Variants in PTK7 observed in about 807,000 individuals in gnomAD.
PTK7 encodes protein tyrosine kinase 7 (inactive), also known as inactive tyrosine-protein kinase 7.
PTK7 carries 39 observed loss-of-function variants against 116.6 expected under a neutral mutation model. That is an observed-to-expected ratio of 0.33 (90% confidence interval 0.26 to 0.44). PTK7 has a LOEUF of 0.44. PTK7 is among the 20% of genes least tolerant of loss of function. The probability of loss-of-function intolerance (pLI) is 1.00; values close to 1 mark genes in which losing one functional copy is unlikely to be tolerated. For missense variants in PTK7, 1,169 were observed against 1,425.6 expected, an observed-to-expected ratio of 0.82 and a Z score of 2.90; for synonymous variants, 546 against 563.6, an observed-to-expected ratio of 0.97 and a Z score of 0.44.
At chr6:43,137,315 AGGT>A (rs1418166114) in intron 7 of PTK7, among the ~76,000 whole-genome samples, 1 of 152,120 alleles carries the variant, frequency 6.6e-6, no homozygotes, top group African/African-American at 2.4e-5. Flanking sequence ...TGGGGGTGAG[AGGT>A]GGTCAAATTC....
intron 1 of PTK7, among the ~76,000 whole-genome samples, chr6:43,122,975 G>T (rs1232902130): frequency 6.6e-6 from 1 of 152,056 alleles, no homozygotes; most frequent in Non-Finnish European, 1.5e-5. Context: ...TGATTGACTT[G>T]GGGTGTGGGA....
intron 1 of PTK7, among the ~76,000 whole-genome samples, chr6:43,094,123 T>C (rs1366545920): frequency 4.6e-5 from 7 of 152,234 alleles, no homozygotes; most frequent in Non-Finnish European, 1.0e-4. Flanking sequence ...CTCAGTATGA[T>C]TGGCTGCAGA....
In PTK7 at chr6:43,133,728, T is replaced by TACAA. The variant is rs561465581; in HGVS notation, c.1228+1044_1228+1047dup. ...ATATGCACACAGAGACACACATACA[T>TACAA]ACAAACTATTTTGCAATCTGCTTCT... On this transcript the variant is annotated intron_variant, in intron 7 of 19. Coordinates refer to ENST00000230419, the MANE Select transcript of PTK7 (RefSeq NM_002821.5). 385 of 152,346 alleles carry TACAA rather than the reference T, an allele frequency of 2.5e-3. 2 individuals are homozygous for TACAA. The highest frequency in any genetic ancestry group is 9.0e-3 in the African/African-American group (375 of 41,584). The allele number at this position is 152,346 out of a possible 1,614,324, so 9.4% of individuals were successfully genotyped here. A position where few individuals can be genotyped will look rare whatever the true frequency, so the allele number is the denominator to read the frequency against.
intron 1 of PTK7, 104 bp from the exon 2 acceptor site, chr6:43,128,873 C>G: frequency 7.9e-7 from 1 of 1,259,028 alleles, no homozygotes; most frequent in Non-Finnish European, 1.1e-6. Context: ...TACTGGACGC[C>G]TCCTGTGTAC....
At chr6:43,152,512 G>A (rs1469311380) in intron 17 of PTK7, among the ~76,000 whole-genome samples, 1 of 152,254 alleles carries the variant, frequency 6.6e-6, no homozygotes, top group Non-Finnish European at 1.5e-5. Context: ...GGGCGACAGA[G>A]TGAGACTCCG....
At chr6:43,083,724 G>C (rs1258505035) in intron 1 of PTK7, among the ~76,000 whole-genome samples, 1 of 152,182 alleles carries the variant, frequency 6.6e-6, no homozygotes. Flanking sequence ...ACTGGGGTAT[G>C]TGTTGAGTGA....
At chr6:43,146,726 G>A (rs772900349) in intron 17 of PTK7, 28 bp downstream of exon 17, 2 of 1,602,532 alleles carry the variant, frequency 1.2e-6, no homozygotes, top group Non-Finnish European at 1.7e-6. Flanking sequence ...AGGAGGGAGG[G>A]AGAGGGTGCC....
At chr6:43,092,521 G>T (rs994747425) in intron 1 of PTK7, among the ~76,000 whole-genome samples, 1 of 152,090 alleles carries the variant, frequency 6.6e-6, no homozygotes, top group Non-Finnish European at 1.5e-5. Flanking sequence ...AACATTTGGG[G>T]GTTGTTACTA....
Position 43,160,632 on chromosome 6 carries a change from G to T in PTK7, c.3053-89G>T, listed in dbSNP as rs1427146144. On this transcript the variant is annotated intron_variant, in intron 19 of 19. Coordinates refer to ENST00000230419, the MANE Select transcript of PTK7 (RefSeq NM_002821.5). ...CATTGCCCCAGAGGCATCCTTGGGTGGCTGCTTGTATAAACTGCAAGGTCC... is the reference window on the plus strand; with the variant it reads ...CATTGCCCCAGAGGCATCCTTGGGTTGCTGCTTGTATAAACTGCAAGGTCC... The T allele has an allele frequency of 2.0e-6, 3 of 1,518,082 alleles. No homozygotes were observed. The African/African-American group carries it at 4.1e-5, about 21-fold the overall frequency. 94.0% of individuals were successfully genotyped at this position (1,518,082 alleles called of 1,614,324 possible). A position where few individuals can be genotyped will look rare whatever the true frequency, so the allele number is the denominator to read the frequency against.
intron 1 of PTK7, among the ~76,000 whole-genome samples, chr6:43,118,192 G>T (rs1768673527): frequency 6.6e-6 from 1 of 151,180 alleles, no homozygotes; most frequent in South Asian, 2.1e-4. Context: ...CTGAGCACTG[G>T]AAGTGTGGCT....
intron 7 of PTK7, among the ~76,000 whole-genome samples, chr6:43,137,781 CTTCT>C (rs1770127200): frequency 6.6e-6 from 1 of 152,112 alleles, no homozygotes; most frequent in Non-Finnish European, 1.5e-5. Flanking sequence ...ACCATTACTT[CTTCT>C]TTTTTTATTA....
chr6:43,160,900 A>G lies in PTK7; in HGVS notation c.*19A>G, dbSNP rs763207197. The G allele has an allele frequency of 1.2e-5, 19 of 1,612,176 alleles. No homozygotes were observed. Among genetic ancestry groups the G allele is most frequent in the Admixed American group, 3.3e-5 (2 of 59,960 alleles). On this transcript the variant is annotated 3_prime_UTR_variant, in exon 20 of 20. Coordinates refer to ENST00000230419, the MANE Select transcript of PTK7 (RefSeq NM_002821.5). Reference sequence around the variant, plus strand: ...GCCGTGAGGAGGGAGCCCGCTCAGGATGGCCTGGGCAGGGGAGGACATCTC... The same window carrying G: ...GCCGTGAGGAGGGAGCCCGCTCAGGGTGGCCTGGGCAGGGGAGGACATCTC...
chr6:43,089,517 G>T (rs1310047215), intron 1 of PTK7, among the ~76,000 whole-genome samples: 1 of 152,190 alleles, frequency 6.6e-6, no homozygotes, highest in Non-Finnish European at 1.5e-5. Flanking sequence ...TACAGCCTCA[G>T]GGGGGAGAAA....
chr6:43,144,960 A>C, intron 15 of PTK7: 3 of 431,086 alleles, frequency 7.0e-6, no homozygotes. Context: ...GTTTACCATG[A>C]GCCACCAAAA....
rs1048133305 is a variant in PTK7 at position 43,159,261 on chromosome 6, C to T, written c.2873+293C>T. Among the ~76,000 whole-genome samples the T allele has an allele frequency of 2.4e-4, 37 of 152,100 alleles. 1 individual carries two copies. Among genetic ancestry groups the T allele is most frequent in the Non-Finnish European group, 1.5e-5 (1 of 68,018 alleles). ...ATTTATATATAATCTATTTATATGG[C>T]TCTCTCTGTAACTTCCTGAATTCAG... On this transcript the variant is annotated intron_variant, in intron 18 of 19. Transcript: ENST00000230419.
chr6:43,092,820 T>TTGTGATGGTTATCTGTGGTGGTTATAGC (rs1561937006), intron 1 of PTK7, among the ~76,000 whole-genome samples: 2 of 152,148 alleles, frequency 1.3e-5, no homozygotes, highest in African/African-American at 4.8e-5. Flanking sequence ...GTAGTTATAA[T>TTGTGATGGTTATCTGTGGTGGTTATAGC]TGTGATGGTT....
At chr6:43,097,094 AAAACAC>A (rs1767306781) in intron 1 of PTK7, among the ~76,000 whole-genome samples, 1 of 138,358 alleles carries the variant, frequency 7.2e-6, no homozygotes, top group African/African-American at 2.8e-5. Flanking sequence ...CTGGCCAAAG[AAAACAC>A]ACACTTACAA....
At chr6:43,108,649 G>A (rs538645351) in intron 1 of PTK7, among the ~76,000 whole-genome samples, 20 of 152,244 alleles carry the variant, frequency 1.3e-4, no homozygotes, top group Middle Eastern at 3.4e-3. Context: ...CGATCCACCC[G>A]CCTCGGCCTC....
intron 1 of PTK7, among the ~76,000 whole-genome samples, chr6:43,109,701 CTTT>C (rs869108681): frequency 5.0e-5 from 7 of 139,778 alleles, no homozygotes; most frequent in Admixed American, 7.2e-5. Flanking sequence ...GGAGTATTTT[CTTT>C]TTTTTTTTTT....
Sources: gnomAD v4.1 joint callset for allele counts (sites outside exome capture counted in the v4.1 genomes callset) on GRCh38, gnomAD v4.1.1 for gene constraint, MANE v1.5 for transcripts, NCBI Gene and HGNC (gene_info 2026-07-23, HGNC 2026-07-21) for gene names.